Variants in ASTN2 observed in about 807,000 individuals in gnomAD.
ASTN2 encodes the protein astrotactin 2, also known as astrotactin-2.
ASTN2 carries 54 observed loss-of-function variants against 139.8 expected under a neutral mutation model. The ratio of observed to expected loss-of-function variants is 0.39; its 90% CI spans 0.31 to 0.48. The LOEUF (loss-of-function observed/expected upper bound fraction) is 0.48. Ranked by LOEUF, ASTN2 falls within the 20% of genes least tolerant of loss-of-function variation. ASTN2 has a pLI of 0.95. For missense variants in ASTN2, 1,565 were observed against 1,725.1 expected (o/e 0.91, Z 1.64); for synonymous variants, 756 against 719.5 (o/e 1.05, Z -0.81).
intron 1 of ASTN2, among the ~76,000 whole-genome samples, chr9:117,390,551 T>C (rs1266299815): frequency 6.6e-6 from 1 of 152,214 alleles, no homozygotes; most frequent in Non-Finnish European, 1.5e-5. Flanking sequence ...CTTGTCTCCA[T>C]AGTCTTGCCT....
intron 5 of ASTN2, among the ~76,000 whole-genome samples, chr9:117,084,323 C>G (rs1587945056): frequency 6.6e-6 from 1 of 152,286 alleles, no homozygotes; most frequent in African/African-American, 2.4e-5. Context: ...CTACCAGAAC[C>G]TTCTGGAGGA....
At chr9:117,026,300 C>A (rs1439612804) in intron 6 of ASTN2, among the ~76,000 whole-genome samples, 1 of 152,036 alleles carries the variant, frequency 6.6e-6, no homozygotes, top group Admixed American at 6.6e-5. Context: ...GTTTTAGCAT[C>A]CCCATTTTTC....
rs1283847201 is a variant in ASTN2, at chr9:116,975,452, T to A, written c.1752-107A>T. On this transcript the variant is annotated intron_variant, in intron 9 of 22. Coordinates refer to ENST00000313400, the MANE Select transcript of ASTN2 (RefSeq NM_001365068.1). ...TCTAGGGCAATTTCCTACTTCTCCA[T>A]CCATATCCCCAGCATTATTTAAGGA... The A allele has an allele frequency of 8.1e-6, 9 of 1,109,716 alleles. No individual in the cohort carries two copies. The East Asian group carries it at 1.4e-4, about 17-fold the overall frequency. The allele number at this position is 1,109,716 out of a possible 1,614,324, so 68.7% of individuals were successfully genotyped here.
intron 17 of ASTN2, among the ~76,000 whole-genome samples, chr9:116,640,017 T>C (rs1857254860): frequency 6.6e-6 from 1 of 152,148 alleles, no homozygotes; most frequent in African/African-American, 2.4e-5. Context: ...TAAAAGTTGG[T>C]GTAGTACCTG....
At chr9:116,882,961 C>T (rs1460150170) in intron 10 of ASTN2, among the ~76,000 whole-genome samples, 6 of 152,106 alleles carry the variant, frequency 3.9e-5, no homozygotes, top group Admixed American at 3.3e-4. Context: ...AACTTGCCAA[C>T]ATTTATGGAA....
At chr9:116,737,177 T>G (rs1213203387) in intron 13 of ASTN2, among the ~76,000 whole-genome samples, 2 of 152,240 alleles carry the variant, frequency 1.3e-5, no homozygotes, top group African/African-American at 2.4e-5. Context: ...TCTCGGGTAC[T>G]GGGTCCCTTT....
chr9:116,664,998 A>G (rs1351181466), intron 16 of ASTN2, among the ~76,000 whole-genome samples: 1 of 152,080 alleles, frequency 6.6e-6, no homozygotes, highest in Non-Finnish European at 1.5e-5. Flanking sequence ...ATAATGAGTT[A>G]CTTCAAGAGC....
rs1355094530 is a variant in ASTN2 at position 117,216,523 on chromosome 9, ATTTGTGTGTGTGTG to A, written c.631-1795_631-1782del. ...TATAAGTACGTGTATTTATGTGTGTATTTGTGTGTGTGTGTTTGTGTGTGTGTAGAATCTATTAA... is the reference window on the plus strand; with the variant it reads ...TATAAGTACGTGTATTTATGTGTGTATTTGTGTGTGTGTAGAATCTATTAA... On this transcript the variant is annotated intron_variant, in intron 2 of 22. Transcript: ENST00000313400. 1.2e-4 allele frequency among the ~76,000 whole-genome samples: 18 copies of A among 152,254 alleles called. No homozygotes were observed. The East Asian group carries it at 2.9e-3, about 24-fold the overall frequency.
intron 17 of ASTN2, among the ~76,000 whole-genome samples, chr9:116,642,849 G>A (rs566943776): frequency 6.6e-6 from 1 of 152,230 alleles, no homozygotes; most frequent in East Asian, 1.9e-4. Context: ...GGTTTGCACA[G>A]CACCCGAATT....
At chr9:117,286,409 T>C (rs1261219063) in intron 2 of ASTN2, among the ~76,000 whole-genome samples, 2 of 145,968 alleles carry the variant, frequency 1.4e-5, no homozygotes, top group South Asian at 2.2e-4. Flanking sequence ...TGGAGTCCAG[T>C]GGCGTGATCC....
chr9:116,550,729 T>C (rs1222696008), intron 19 of ASTN2, among the ~76,000 whole-genome samples: 1 of 152,176 alleles, frequency 6.6e-6, no homozygotes, highest in East Asian at 1.9e-4. Flanking sequence ...CCCTGAGAGA[T>C]AGGCAGGAAT....
chr9:117,319,874 G>C (rs1163467546), intron 1 of ASTN2, among the ~76,000 whole-genome samples: 1 of 152,166 alleles, frequency 6.6e-6, no homozygotes, highest in East Asian at 1.9e-4. Flanking sequence ...AAGACATTTA[G>C]TGGGAGACAT....
chr9:117,226,591 G>T (rs79546272), intron 2 of ASTN2, among the ~76,000 whole-genome samples: 14,513 of 133,140 alleles, frequency 0.11, 1,653 homozygotes, highest in African/African-American at 0.29. Context: ...CTCATAAAGC[G>T]GGTTTGTTTG....
At chr9:117,357,700 A>G (rs2130890051) in intron 1 of ASTN2, among the ~76,000 whole-genome samples, 1 of 152,304 alleles carries the variant, frequency 6.6e-6, no homozygotes, top group East Asian at 1.9e-4. Context: ...GTCTTGAGTT[A>G]AGAATGTTAT....
intron 7 of ASTN2, among the ~76,000 whole-genome samples, chr9:116,995,646 C>T (rs897978992): frequency 2.4e-4 from 37 of 152,050 alleles, no homozygotes; most frequent in African/African-American, 8.5e-4. Flanking sequence ...ATAGCATAGG[C>T]TTGTGGTTTA....
intron 4 of ASTN2, among the ~76,000 whole-genome samples, chr9:117,107,520 C>T (rs1416361754): frequency 1.3e-5 from 2 of 152,090 alleles, no homozygotes; most frequent in Non-Finnish European, 1.5e-5. Flanking sequence ...TGATATGCAT[C>T]CCATATTTCA....
intron 19 of ASTN2, among the ~76,000 whole-genome samples, chr9:116,553,220 C>T (rs1852436373): frequency 6.6e-6 from 1 of 152,062 alleles, no homozygotes; most frequent in African/African-American, 2.4e-5. Context: ...GAAAGTCTAC[C>T]TTTGACTCTA....
chr9:117,028,070 GCTGA>G (rs1297524783), intron 6 of ASTN2, among the ~76,000 whole-genome samples: 3 of 152,264 alleles, frequency 2.0e-5, no homozygotes, highest in African/African-American at 7.2e-5. Context: ...CACCTTTAAT[GCTGA>G]CTGTGCCTGA....
chr9:117,353,318 C>T (rs1458664152), intron 1 of ASTN2, among the ~76,000 whole-genome samples: 8 of 152,072 alleles, frequency 5.3e-5, no homozygotes, highest in African/African-American at 9.7e-5. Flanking sequence ...CGGTGCTGTC[C>T]AATAGAACTT....
Sources: allele counts gnomAD v4.1 joint callset (sites outside exome capture counted in the v4.1 genomes callset), GRCh38; gene constraint gnomAD v4.1.1; transcripts MANE v1.5; gene names NCBI Gene and HGNC (gene_info 2026-07-23, HGNC 2026-07-21).